The following BMPR1B variants were observed in gnomAD, a reference collection of about 807,000 sequenced individuals.
The protein encoded by BMPR1B is bone morphogenetic protein receptor type 1B, also known as bone morphogenetic protein receptor type-1B.
In BMPR1B, 12 loss-of-function variants were observed where a neutral mutation model predicts 59.1. The observed-to-expected ratio is 0.20, with a 90% CI of 0.13 to 0.33. The LOEUF (loss-of-function observed/expected upper bound fraction) is 0.33. Among genes scored for constraint, BMPR1B ranks in the 10% least tolerant of loss-of-function variants. BMPR1B has a pLI of 1.00. For synonymous variants in BMPR1B, 237 were observed against 207.3 expected, an observed-to-expected ratio of 1.14 and a Z score of -1.23; for missense variants, 550 against 610.9, an observed-to-expected ratio of 0.90 and a Z score of 1.05.
chr4:94,978,384 G>A lies in BMPR1B; in HGVS notation c.-112-17656G>A, dbSNP rs183869333. ...TCTGCATTTGGAACAGTGACAGGCT[G>A]AATCAGCTAGGTGCTGTCCAGGCAT... On this transcript the variant is annotated intron_variant, in intron 2 of 12. Transcript: ENST00000515059. 3.0e-4 allele frequency among the ~76,000 whole-genome samples: 45 copies of A among 152,318 alleles called. 1 individual carries two copies. Among genetic ancestry groups the A allele is most frequent in the Admixed American group, 2.5e-3 (39 of 15,304 alleles).
chr4:94,987,134 GT>G (rs1721466166), intron 2 of BMPR1B, among the ~76,000 whole-genome samples: 5 of 141,988 alleles, frequency 3.5e-5, no homozygotes, highest in East Asian at 2.0e-4. Flanking sequence ...ATATGTATAT[GT>G]AATATATATA....
chr4:94,924,415 G>A (rs1045523402), intron 2 of BMPR1B, among the ~76,000 whole-genome samples: 6 of 152,042 alleles, frequency 3.9e-5, no homozygotes, highest in African/African-American at 1.4e-4. Flanking sequence ...CCCTGAATTA[G>A]GAATAAGGAT....
intron 6 of BMPR1B, 75 bp downstream of exon 6, chr4:95,115,862 T>C: frequency 1.5e-6 from 2 of 1,315,924 alleles, no homozygotes; most frequent in Non-Finnish European, 2.2e-6. Flanking sequence ...AGAATCGTTC[T>C]CTCTCAATCT....
Position 95,017,025 on chromosome 4 carries a change from T to C in BMPR1B, c.-18+20891T>C, listed in dbSNP as rs1039408735. 4.6e-5 allele frequency among the ~76,000 whole-genome samples: 7 copies of C among 152,206 alleles called. 1 individual carries two copies. The highest frequency in any genetic ancestry group is 3.9e-4 in the Admixed American group (6 of 15,280). On this transcript the variant is annotated intron_variant, in intron 3 of 12. Coordinates refer to ENST00000515059, the MANE Select transcript of BMPR1B (RefSeq NM_001203.3). ...TTTGCTCCTTCAGTTTCTTTTTCCA[T>C]AGGGAAAACATTCACTTTGTTTTTC...
chr4:95,153,282 G>C (rs948994338), intron 12 of BMPR1B, among the ~76,000 whole-genome samples: 1 of 152,130 alleles, frequency 6.6e-6, no homozygotes, highest in Non-Finnish European at 1.5e-5. Context: ...TGGCTCTAAG[G>C]CTGTAGTGGT....
At chr4:94,761,113 C>A (rs1427822192) in intron 1 of BMPR1B, among the ~76,000 whole-genome samples, 3 of 152,164 alleles carry the variant, frequency 2.0e-5, no homozygotes, top group Non-Finnish European at 2.9e-5. Flanking sequence ...TGACTTCTTT[C>A]ACTAGAAGTG....
chr4:94,919,650 G>A (rs947331245), intron 2 of BMPR1B, among the ~76,000 whole-genome samples: 9 of 151,926 alleles, frequency 5.9e-5, no homozygotes, highest in Admixed American at 4.6e-4. Flanking sequence ...ATACTCTCCC[G>A]TGGCCACAAG....
chr4:94,995,235 A>C (rs1204659396), intron 2 of BMPR1B, among the ~76,000 whole-genome samples: 2 of 152,154 alleles, frequency 1.3e-5, no homozygotes, highest in Non-Finnish European at 2.9e-5. Flanking sequence ...AGTTGTTATA[A>C]ATATAGAAGT....
chr4:94,923,299 AG>A (rs1728772159), intron 2 of BMPR1B, among the ~76,000 whole-genome samples: 1 of 152,140 alleles, frequency 6.6e-6, no homozygotes, highest in African/African-American at 2.4e-5. Flanking sequence ...ATAGTTTTAC[AG>A]GAGTTTAGTA....
chr4:95,142,768 G>A (rs1297421597), intron 10 of BMPR1B, among the ~76,000 whole-genome samples: 1 of 150,900 alleles, frequency 6.6e-6, no homozygotes, highest in African/African-American at 2.4e-5. Flanking sequence ...TCAGTTTATG[G>A]TACAGTGGGG....
intron 1 of BMPR1B, among the ~76,000 whole-genome samples, chr4:94,851,051 G>T (rs868042770): frequency 2.1e-4 from 32 of 151,228 alleles, no homozygotes; most frequent in Middle Eastern, 3.4e-3. Flanking sequence ...GAATTCTCAG[G>T]TTTTTTTTTC....
intron 2 of BMPR1B, among the ~76,000 whole-genome samples, chr4:94,934,711 C>T (rs1729224543): frequency 6.6e-6 from 1 of 152,044 alleles, no homozygotes; most frequent in South Asian, 2.1e-4. Context: ...CTTTCTGTAT[C>T]AACATGGAAT....
At chr4:94,912,620 C>A (rs75446022) in intron 2 of BMPR1B, among the ~76,000 whole-genome samples, 2,722 of 152,258 alleles carry the variant, frequency 0.018, 51 homozygotes, top group East Asian at 0.092. Context: ...GAAATGTGGT[C>A]TTTCCGAACA....
At chr4:94,996,369 A>G (rs1284217663) in intron 3 of BMPR1B, 1 of 152,142 alleles carries the variant, frequency 6.6e-6, no homozygotes, top group Non-Finnish European at 1.5e-5. Context: ...CACCAATTTC[A>G]TATTGTGTCC....
At chr4:94,971,934 T>C (rs2149077724) in intron 2 of BMPR1B, among the ~76,000 whole-genome samples, 1 of 152,010 alleles carries the variant, frequency 6.6e-6, no homozygotes, top group African/African-American at 2.4e-5. Context: ...ATGAGCCTCT[T>C]AAATGATTCC....
chr4:95,093,524 T>C (rs913566770), intron 3 of BMPR1B, among the ~76,000 whole-genome samples: 1 of 152,112 alleles, frequency 6.6e-6, no homozygotes, highest in Non-Finnish European at 1.5e-5. Flanking sequence ...GTATGTCATA[T>C]TTACTCTTCT....
chr4:95,031,976 TTA>T (rs1319471742), intron 3 of BMPR1B, among the ~76,000 whole-genome samples: 1 of 152,174 alleles, frequency 6.6e-6, no homozygotes, highest in African/African-American at 2.4e-5. Context: ...TCTTAATCAT[TTA>T]TGTTACAGTA....
intron 4 of BMPR1B, 104 bp downstream of exon 4, chr4:95,104,671 T>C: frequency 1.4e-6 from 2 of 1,381,862 alleles, no homozygotes; most frequent in Non-Finnish European, 2.0e-6. Flanking sequence ...TAGAGAACAA[T>C]GCCTAACACT....
intron 3 of BMPR1B, among the ~76,000 whole-genome samples, chr4:95,080,113 T>A (rs1425299889): frequency 6.6e-6 from 1 of 152,122 alleles, no homozygotes; most frequent in Non-Finnish European, 1.5e-5. Context: ...GTTCAAAAAT[T>A]ACGTTTTCTT....
Sources: allele counts gnomAD v4.1 joint callset (sites outside exome capture counted in the v4.1 genomes callset), GRCh38; gene constraint gnomAD v4.1.1; transcripts MANE v1.5; gene names NCBI Gene and HGNC (gene_info 2026-07-23, HGNC 2026-07-21).